SRGAP3: variants seen among roughly 807,000 people sequenced by gnomAD.
SRGAP3 encodes SLIT-ROBO Rho GTPase-activating protein 3.
In SRGAP3, 39 loss-of-function variants were observed where a neutral mutation model predicts 121.1. That is an observed-to-expected ratio of 0.32 (90% CI 0.25 to 0.42). The LOEUF (loss-of-function observed/expected upper bound fraction) is 0.42. SRGAP3 is among the 10% of genes least tolerant of loss of function. The pLI is 1.00. For synonymous variants in SRGAP3, 601 were observed against 570.0 expected (o/e 1.05, Z -0.77); for missense variants, 1,213 against 1,470.6 (o/e 0.82, Z 2.86).
At chr3:9,295,896 T>C (rs905983110) in intron 3 of SRGAP3, among the ~76,000 whole-genome samples, 3 of 152,232 alleles carry the variant, frequency 2.0e-5, no homozygotes, top group African/African-American at 4.8e-5. Flanking sequence ...CATATACATA[T>C]ACCCTTTTGT....
At chr3:9,046,108 C>T (rs1307938813) in intron 10 of SRGAP3, among the ~76,000 whole-genome samples, 4 of 151,100 alleles carry the variant, frequency 2.6e-5, no homozygotes, top group Non-Finnish European at 5.9e-5. Context: ...ACTGAGTCTT[C>T]CCCCCTCCTA....
At chr3:9,214,128 ACACACACACACACATG>A (rs1243576295) in intron 1 of SRGAP3, among the ~76,000 whole-genome samples, 2 of 151,320 alleles carry the variant, frequency 1.3e-5, no homozygotes, top group African/African-American at 4.9e-5. Flanking sequence ...ACACACACAC[ACACACACACACACATG>A]CACACACACA....
Position 9,163,305 on chromosome 3 carries a change from C to T in SRGAP3, c.68-38388G>A, listed in dbSNP as rs139938694. Among the ~76,000 whole-genome samples, 789 of 152,350 alleles carry T rather than the reference C, an allele frequency of 5.2e-3. 5 individuals are homozygous for T. Among genetic ancestry groups the T allele is most frequent in the African/African-American group, 0.018 (754 of 41,582 alleles). ...AACCTGCGGCTCCAAGCTAAGGCGGCAGGGCCTGGGGCCTCCTCCAGGGCG... is the reference window on the plus strand; with the variant it reads ...AACCTGCGGCTCCAAGCTAAGGCGGTAGGGCCTGGGGCCTCCTCCAGGGCG... On this transcript the variant is annotated intron_variant, in intron 1 of 21. Coordinates refer to ENST00000383836, the MANE Select transcript of SRGAP3 (RefSeq NM_014850.4).
chr3:9,068,720 G>C (rs1448481385), intron 4 of SRGAP3, among the ~76,000 whole-genome samples: 1 of 152,160 alleles, frequency 6.6e-6, no homozygotes. Context: ...AGAACAGTTA[G>C]CTCAATATTG....
chr3:9,355,105 CAT>C (rs2030423864), intron 1 of SRGAP3, among the ~76,000 whole-genome samples: 2 of 152,232 alleles, frequency 1.3e-5, no homozygotes, highest in Non-Finnish European at 2.9e-5. Flanking sequence ...GTCAGCAGGA[CAT>C]GGTTACTCTA....
At position 9,239,925 on chromosome 3, in the gene SRGAP3, G is replaced by GT. The variant is rs776537346; in HGVS notation, c.67+8959dup. ...TGTGCAGCCTGACATATTCTAAAAT[G>GT]TAACTCAGAAAACAGAGTCTTGTGA... On this transcript the variant is annotated intron_variant, in intron 1 of 21. Coordinates refer to ENST00000383836, the MANE Select transcript of SRGAP3 (RefSeq NM_014850.4). The surrounding 1 kb of genome is among the most constrained non-coding windows in gnomAD (Gnocchi z 4.0). Among the ~76,000 whole-genome samples, 16 of 152,148 alleles carry GT rather than the reference G, an allele frequency of 1.1e-4. No individual in the cohort carries two copies. Among genetic ancestry groups the GT allele is most frequent in the Admixed American group, 2.0e-4 (3 of 15,272 alleles).
rs572289018 is a variant in SRGAP3, at chr3:9,267,038, C to T, written n.442+58972G>A. Among the ~76,000 whole-genome samples the T allele has an allele frequency of 2.6e-5, 4 of 152,248 alleles. No homozygotes were observed. In the South Asian group the frequency reaches 6.2e-4, roughly 24 times the overall value. ...GACCCAATCTCTTTTAGGAAATGAA[C>T]GCAGCATCGGGCTGAATAATATATA... On this transcript the variant is annotated intron_variant and non_coding_transcript_variant, in intron 3 of 3. Coordinates refer to the SRGAP3 transcript ENST00000490889.
In SRGAP3 at chr3:9,140,719, G is replaced by T. The variant is rs572728984; in HGVS notation, c.68-15802C>A. 1.7e-4 allele frequency among the ~76,000 whole-genome samples: 26 copies of T among 152,356 alleles called. No homozygotes were observed. In the East Asian group the frequency reaches 5.0e-3, roughly 29 times the overall value. ...AAAACTTTACAAAAACAGGTAATGGGCTAGGTTGGCCTGTGGGCCATAGGT... is the reference window on the plus strand; with the variant it reads ...AAAACTTTACAAAAACAGGTAATGGTCTAGGTTGGCCTGTGGGCCATAGGT... On this transcript the variant is annotated intron_variant, in intron 1 of 21. Transcript: ENST00000383836.
At chr3:9,133,039 T>G (rs1181710766) in intron 1 of SRGAP3, among the ~76,000 whole-genome samples, 1 of 148,740 alleles carries the variant, frequency 6.7e-6, no homozygotes, top group East Asian at 1.9e-4. Context: ...TTATATTATA[T>G]GATATATTAT....
intron 20 of SRGAP3, among the ~76,000 whole-genome samples, chr3:8,991,755 G>A (rs533356687): frequency 2.0e-5 from 3 of 152,288 alleles, no homozygotes; most frequent in Admixed American, 6.5e-5. Flanking sequence ...GAGAGGGACC[G>A]TGTGTTGGGA....
chr3:9,265,903 C>T (rs1486704708), intron 3 of SRGAP3, among the ~76,000 whole-genome samples: 2 of 152,142 alleles, frequency 1.3e-5, no homozygotes, highest in Non-Finnish European at 2.9e-5. Flanking sequence ...AATCATTCCA[C>T]GATAAAGACA....
intron 1 of SRGAP3, among the ~76,000 whole-genome samples, chr3:9,360,393 C>A (rs1161094403): frequency 6.6e-6 from 1 of 152,168 alleles, no homozygotes; most frequent in African/African-American, 2.4e-5. Flanking sequence ...ATTGTAAAGT[C>A]AAAAAATTGT....
intron 10 of SRGAP3, 73 bp downstream of exon 10, chr3:9,047,318 C>G: frequency 6.7e-7 from 1 of 1,496,612 alleles, no homozygotes; most frequent in African/African-American, 1.4e-5. Flanking sequence ...AACAGCTCAA[C>G]ACGTCAGGGG....
At chr3:9,062,856 A>T (rs958042702) in intron 5 of SRGAP3, among the ~76,000 whole-genome samples, 2 of 152,164 alleles carry the variant, frequency 1.3e-5, no homozygotes, top group Non-Finnish European at 1.5e-5. Flanking sequence ...GAATGGACAT[A>T]TGTTTTTATT....
At chr3:9,020,133 T>A (rs1299713121) in intron 14 of SRGAP3, among the ~76,000 whole-genome samples, 5 of 152,162 alleles carry the variant, frequency 3.3e-5, no homozygotes, top group Admixed American at 3.3e-4. Context: ...GTGCCCATAA[T>A]CACAAAGTCA....
At chr3:9,018,078 C>T (rs1943728415) in intron 14 of SRGAP3, among the ~76,000 whole-genome samples, 2 of 152,328 alleles carry the variant, frequency 1.3e-5, no homozygotes, top group Admixed American at 6.5e-5. Flanking sequence ...TGTTCTAGTT[C>T]CCACACAGGA....
chr3:9,030,957 T>A (rs1279424986), intron 12 of SRGAP3, among the ~76,000 whole-genome samples: 1 of 152,146 alleles, frequency 6.6e-6, no homozygotes, highest in Non-Finnish European at 1.5e-5. Flanking sequence ...CTTCTTTTTT[T>A]TTGTTGTTTA....
At chr3:9,261,739 G>A (rs1041131128) in intron 3 of SRGAP3, among the ~76,000 whole-genome samples, 2 of 151,982 alleles carry the variant, frequency 1.3e-5, no homozygotes, top group African/African-American at 4.8e-5. Flanking sequence ...GTACCTGAAA[G>A]TGACAGGGAG....
At chr3:9,132,695 A>C (rs1949501025) in intron 1 of SRGAP3, among the ~76,000 whole-genome samples, 1 of 152,212 alleles carries the variant, frequency 6.6e-6, no homozygotes, top group Non-Finnish European at 1.5e-5. Flanking sequence ...ATTATGAATA[A>C]AGCTGTTATG....
Sources: allele counts gnomAD v4.1 joint callset (sites outside exome capture counted in the v4.1 genomes callset), GRCh38; gene constraint gnomAD v4.1.1; non-coding constraint Gnocchi (gnomAD v3.1); transcripts MANE v1.5; gene names NCBI Gene and HGNC (gene_info 2026-07-23, HGNC 2026-07-21).